CCNY: variants seen among roughly 807,000 people sequenced by gnomAD.
The protein encoded by CCNY is cyclin-Y.
A neutral mutation model predicts 42.8 loss-of-function variants in CCNY; 19 were observed. The observed-to-expected ratio is 0.44, with a 90% CI of 0.31 to 0.65. The LOEUF (loss-of-function observed/expected upper bound fraction) is 0.65. Among genes scored for constraint, CCNY ranks in the 30% least tolerant of loss-of-function variants. CCNY has a pLI of 0.07. For synonymous variants in CCNY, 165 were observed against 162.7 expected (o/e 1.01, Z -0.11); for missense variants, 370 against 437.3 (o/e 0.85, Z 1.37).
chr10:35,469,035 T>C (rs543195424), intron 1 of CCNY, among the ~76,000 whole-genome samples: 1 of 152,362 alleles, frequency 6.6e-6, no homozygotes, highest in African/African-American at 2.4e-5. Flanking sequence ...GTTAAAATAA[T>C]AGTGTCTTCA....
chr10:35,392,929 T>C (rs563088227), intron 1 of CCNY, among the ~76,000 whole-genome samples: 36 of 152,290 alleles, frequency 2.4e-4, no homozygotes, highest in African/African-American at 3.1e-4. Flanking sequence ...TCAGGCTGCA[T>C]AGCTCTGCTA....
intron 3 of CCNY, 85 bp downstream of exon 3, chr10:35,501,620 G>T (rs1181571191): frequency 8.4e-7 from 1 of 1,186,226 alleles, no homozygotes; most frequent in African/African-American, 1.5e-5. Flanking sequence ...GATGAAAATG[G>T]CTCATGTGCT....
chr10:35,392,602 G>C (rs555147379), intron 1 of CCNY, among the ~76,000 whole-genome samples: 4 of 152,312 alleles, frequency 2.6e-5, no homozygotes, highest in South Asian at 4.1e-4. Context: ...ACATTCTAGT[G>C]GTGGGGAAGT....
At chr10:35,462,153 A>G (rs1839170038) in intron 1 of CCNY, among the ~76,000 whole-genome samples, 5 of 152,214 alleles carry the variant, frequency 3.3e-5, no homozygotes, top group Admixed American at 3.3e-4. Flanking sequence ...TTAAATGTGA[A>G]TATTACCACA....
chr10:35,400,288 G>A (rs1169512170), intron 1 of CCNY, among the ~76,000 whole-genome samples: 10 of 151,338 alleles, frequency 6.6e-5, no homozygotes, highest in African/African-American at 2.4e-4. Flanking sequence ...CGGGGGTGGT[G>A]GGGTGGGGTT....
At chr10:35,471,960 T>C (rs1001982101) in intron 1 of CCNY, among the ~76,000 whole-genome samples, 3 of 152,208 alleles carry the variant, frequency 2.0e-5, no homozygotes, top group African/African-American at 7.2e-5. Flanking sequence ...CACCAAACTT[T>C]TAAACATCAA....
chr10:35,267,590 G>A (rs1212686204), intron 3 of CCNY, among the ~76,000 whole-genome samples: 1 of 152,212 alleles, frequency 6.6e-6, no homozygotes, highest in African/African-American at 2.4e-5. Flanking sequence ...GAAGCCAGAG[G>A]AGAGGTTCTG....
intron 1 of CCNY, among the ~76,000 whole-genome samples, chr10:35,424,250 G>A (rs969778213): frequency 6.6e-6 from 1 of 151,954 alleles, no homozygotes; most frequent in African/African-American, 2.4e-5. Context: ...TTTTGAGACG[G>A]AGTTTCACTC....
chr10:35,319,467 C>T (rs912354356), intron 3 of CCNY, among the ~76,000 whole-genome samples: 1 of 152,152 alleles, frequency 6.6e-6, no homozygotes, highest in Non-Finnish European at 1.5e-5. Context: ...GATATCACCA[C>T]AGATCTTGCA....
chr10:35,395,155 C>T (rs1467350455), intron 1 of CCNY, among the ~76,000 whole-genome samples: 1 of 152,164 alleles, frequency 6.6e-6, no homozygotes. Context: ...CTTCTCCCTG[C>T]GGTCTCACTA....
chr10:35,328,055 C>T (rs1415252101), intron 3 of CCNY, among the ~76,000 whole-genome samples: 1 of 152,212 alleles, frequency 6.6e-6, no homozygotes, highest in African/African-American at 2.4e-5. Flanking sequence ...AGAACGATAA[C>T]ACTTTGATGT....
intron 2 of CCNY, among the ~76,000 whole-genome samples, chr10:35,487,048 T>C (rs1444858076): frequency 1.3e-5 from 2 of 152,238 alleles, no homozygotes; most frequent in Admixed American, 6.5e-5. Context: ...TCATGTGATA[T>C]TGGATGTCAG....
chr10:35,261,550 A>C (rs2135032229), intron 3 of CCNY, among the ~76,000 whole-genome samples: 1 of 152,150 alleles, frequency 6.6e-6, no homozygotes, highest in African/African-American at 2.4e-5. Flanking sequence ...CAAAAAATTT[A>C]AAAAATTAAC....
At chr10:35,352,393 A>C (rs1349009438) in intron 1 of CCNY, among the ~76,000 whole-genome samples, 2 of 152,234 alleles carry the variant, frequency 1.3e-5, no homozygotes, top group Non-Finnish European at 2.9e-5. Context: ...GAGAGAAAAC[A>C]GAATTAACTA....
intron 1 of CCNY, among the ~76,000 whole-genome samples, chr10:35,414,239 A>G (rs1199697871): frequency 1.3e-5 from 2 of 152,158 alleles, no homozygotes; most frequent in Non-Finnish European, 2.9e-5. Context: ...AGATACTTCC[A>G]TGGCTAGGGT....
intron 3 of CCNY, among the ~76,000 whole-genome samples, chr10:35,283,749 C>T (rs1389858130): frequency 6.6e-6 from 1 of 151,836 alleles, no homozygotes; most frequent in Non-Finnish European, 1.5e-5. Flanking sequence ...TAACCACCTA[C>T]AAGGAATAGT....
chr10:35,401,302 G>C (rs748585972), intron 1 of CCNY, among the ~76,000 whole-genome samples: 1 of 152,216 alleles, frequency 6.6e-6, no homozygotes, highest in Non-Finnish European at 1.5e-5. Context: ...GAAGCTGCAG[G>C]TGTGCTCTTT....
chr10:35,484,667 ATGGGTGTT>A (rs1008915390), intron 2 of CCNY, among the ~76,000 whole-genome samples: 1 of 152,178 alleles, frequency 6.6e-6, no homozygotes, highest in Non-Finnish European at 1.5e-5. Flanking sequence ...GGTAGTGAAG[ATGGGTGTT>A]TGGAACCATG....
intron 1 of CCNY, among the ~76,000 whole-genome samples, chr10:35,356,512 C>G (rs189056104): frequency 1.6e-4 from 24 of 152,264 alleles, no homozygotes; most frequent in African/African-American, 5.5e-4. Context: ...GTGGATGTGG[C>G]AACGGGAAGC....
Sources: gnomAD v4.1 joint callset for allele counts (sites outside exome capture counted in the v4.1 genomes callset) on GRCh38, gnomAD v4.1.1 for gene constraint, MANE v1.5 for transcripts, NCBI Gene and HGNC (gene_info 2026-07-23, HGNC 2026-07-21) for gene names.